The following RAB28 variants were observed in gnomAD, a reference collection of about 807,000 sequenced individuals.
The protein encoded by RAB28 is RAB28, member RAS oncogene family, also known as ras-related protein Rab-28.
RAB28 carries 24 observed loss-of-function variants against 31.7 expected under a neutral mutation model. The ratio of observed to expected loss-of-function variants is 0.76; its 90% confidence interval spans 0.55 to 1.06. The LOEUF is 1.06. RAB28 is among the 50% of genes least tolerant of loss of function. RAB28 has a pLI of 0.00. For synonymous variants in RAB28, 100 were observed against 90.4 expected (o/e 1.11, Z -0.60); for missense variants, 254 against 258.5 (o/e 0.98, Z 0.12).
intron 3 of RAB28, among the ~76,000 whole-genome samples, chr4:13,470,501 G>A (rs1716071636): frequency 6.6e-6 from 1 of 152,138 alleles, no homozygotes; most frequent in Admixed American, 6.6e-5. Context: ...GCACACAATA[G>A]TAGTTATGTT....
chr4:13,470,155 G>C (rs1560145273), intron 3 of RAB28, among the ~76,000 whole-genome samples: 1 of 151,988 alleles, frequency 6.6e-6, no homozygotes, highest in Non-Finnish European at 1.5e-5. Flanking sequence ...CCAAAATGCA[G>C]GTTATTTGTT....
At chr4:13,391,458 G>A (rs1403062119) in intron 4 of RAB28, among the ~76,000 whole-genome samples, 3 of 152,194 alleles carry the variant, frequency 2.0e-5, no homozygotes, top group Admixed American at 1.3e-4. Context: ...CTGTTGGTGG[G>A]AATGCAAATT....
intron 4 of RAB28, among the ~76,000 whole-genome samples, chr4:13,385,494 CA>C (rs1490878903): frequency 2.0e-5 from 3 of 152,166 alleles, no homozygotes; most frequent in Non-Finnish European, 4.4e-5. Context: ...ATAAGACTAA[CA>C]GACCTCTTAC....
At chr4:13,375,372 TGA>T (rs1326068137) in intron 6 of RAB28, among the ~76,000 whole-genome samples, 3 of 152,194 alleles carry the variant, frequency 2.0e-5, no homozygotes, top group Admixed American at 2.0e-4. Flanking sequence ...ACCACTATAC[TGA>T]GTTTACAATG....
chr4:13,403,634 T>C (rs905629328), intron 4 of RAB28, among the ~76,000 whole-genome samples: 2 of 152,214 alleles, frequency 1.3e-5, no homozygotes, highest in Non-Finnish European at 2.9e-5. Context: ...GTATTATGTA[T>C]GCTATAAAAT....
intron 4 of RAB28, among the ~76,000 whole-genome samples, chr4:13,390,195 C>A (rs981634928): frequency 2.0e-5 from 3 of 152,140 alleles, no homozygotes; most frequent in Non-Finnish European, 4.4e-5. Flanking sequence ...AGCTGATAAG[C>A]AACTTCAGCA....
At chr4:13,403,699 T>C (rs1711912402) in intron 4 of RAB28, among the ~76,000 whole-genome samples, 1 of 152,210 alleles carries the variant, frequency 6.6e-6, no homozygotes, top group African/African-American at 2.4e-5. Flanking sequence ...TACATCATTT[T>C]AAGATAATGC....
In RAB28 at chr4:13,371,781, T is replaced by C. The variant is rs1577145288; in HGVS notation, c.574-3131A>G. 8 of 1,546,782 alleles carry C rather than the reference T, an allele frequency of 5.2e-6. No homozygotes were observed. In the East Asian group the frequency reaches 2.0e-4, roughly 38 times the overall value. Reference sequence around the variant, plus strand: ...TGATGTTTTTAGAGAAAATGTTACCTATAAAATACCAACCTTTATTTTTAG... The same window carrying C: ...TGATGTTTTTAGAGAAAATGTTACCCATAAAATACCAACCTTTATTTTTAG... On this transcript the variant is annotated intron_variant, in intron 6 of 6. Transcript: ENST00000330852.
chr4:13,409,650 C>A (rs1712309763), intron 4 of RAB28, among the ~76,000 whole-genome samples: 1 of 152,178 alleles, frequency 6.6e-6, no homozygotes. Flanking sequence ...GGAGTGAGAG[C>A]TACTACCATA....
intron 4 of RAB28, among the ~76,000 whole-genome samples, chr4:13,436,913 A>G (rs764020378): frequency 2.6e-5 from 4 of 152,166 alleles, no homozygotes; most frequent in Non-Finnish European, 5.9e-5. Flanking sequence ...CAAAGTAATC[A>G]TAAGCAAAAA....
chr4:13,453,288 G>GT (rs1447968651), intron 4 of RAB28, among the ~76,000 whole-genome samples: 1 of 152,098 alleles, frequency 6.6e-6, no homozygotes, highest in African/African-American at 2.4e-5. Context: ...ATTGACAGGT[G>GT]AAGACTTATA....
At chr4:13,421,303 T>C (rs530097463) in intron 4 of RAB28, among the ~76,000 whole-genome samples, 14 of 152,262 alleles carry the variant, frequency 9.2e-5, no homozygotes, top group Non-Finnish European at 1.8e-4. Context: ...ATAGGAAGAA[T>C]CAGTATTGTG....
chr4:13,479,816 A>AG (rs1478287698), intron 1 of RAB28, among the ~76,000 whole-genome samples: 3 of 151,342 alleles, frequency 2.0e-5, no homozygotes, highest in African/African-American at 7.3e-5. Flanking sequence ...AGTTATCAAC[A>AG]GAAAAAAAAA....
chr4:13,472,997 A>G (rs2108971083), intron 3 of RAB28, among the ~76,000 whole-genome samples: 2 of 152,122 alleles, frequency 1.3e-5, no homozygotes, highest in Middle Eastern at 3.4e-3. Context: ...TGTATAAAAG[A>G]TAAGAGCTTT....
intron 5 of RAB28, among the ~76,000 whole-genome samples, chr4:13,381,001 G>A (rs1729105150): frequency 6.6e-6 from 1 of 152,030 alleles, no homozygotes; most frequent in African/African-American, 2.4e-5. Flanking sequence ...GTGACTGTGA[G>A]CCCCAGAGTG....
chr4:13,373,933 G>A (rs1248641281), intron 6 of RAB28, among the ~76,000 whole-genome samples: 3 of 151,752 alleles, frequency 2.0e-5, no homozygotes, highest in African/African-American at 7.3e-5. Flanking sequence ...GTGTATGTGT[G>A]TGTATATATA....
At chr4:13,434,236 G>A (rs1713971306) in intron 4 of RAB28, among the ~76,000 whole-genome samples, 3 of 152,090 alleles carry the variant, frequency 2.0e-5, no homozygotes, top group Admixed American at 1.3e-4. Flanking sequence ...TGGGTGATGG[G>A]ATCAATCATA....
At chr4:13,397,848 T>G (rs2108897288) in intron 4 of RAB28, among the ~76,000 whole-genome samples, 1 of 152,246 alleles carries the variant, frequency 6.6e-6, no homozygotes, top group South Asian at 2.1e-4. Flanking sequence ...GCTGCAAGGT[T>G]TTCCTACTCA....
At chr4:13,458,704 T>C (rs1302494138) in intron 4 of RAB28, among the ~76,000 whole-genome samples, 2 of 152,206 alleles carry the variant, frequency 1.3e-5, no homozygotes, top group Non-Finnish European at 2.9e-5. Context: ...TATACCGTAT[T>C]TTTACTGTAC....
Sources: gnomAD v4.1 joint callset for allele counts (sites outside exome capture counted in the v4.1 genomes callset) on GRCh38, gnomAD v4.1.1 for gene constraint, MANE v1.5 for transcripts, NCBI Gene and HGNC (gene_info 2026-07-23, HGNC 2026-07-21) for gene names.